ABL1: variants seen among roughly 807,000 people sequenced by gnomAD.
The protein encoded by ABL1 is ABL proto-oncogene 1, non-receptor tyrosine kinase.
A neutral mutation model predicts 94.7 loss-of-function variants in ABL1; 11 were observed. The observed-to-expected ratio is 0.12, with a 90% CI of 0.07 to 0.19. The LOEUF (loss-of-function observed/expected upper bound fraction) is 0.19, where lower values mean the gene tolerates loss of function less well. Ranked by LOEUF, ABL1 falls within the 10% of genes least tolerant of loss-of-function variation. The probability of loss-of-function intolerance (pLI) is 1.00; values close to 1 mark genes in which losing one functional copy is unlikely to be tolerated. For synonymous variants in ABL1, 656 were observed against 622.4 expected (o/e 1.05, Z -0.80); for missense variants, 1,082 against 1,489.4 (o/e 0.73, Z 4.50).
chr9:130,785,204 G>A (rs1188456613), intron 1 of ABL1, among the ~76,000 whole-genome samples: 2 of 152,198 alleles, frequency 1.3e-5, no homozygotes, highest in African/African-American at 2.4e-5. Flanking sequence ...TCCTTTCCCA[G>A]TGTGCTGATT....
intron 1 of ABL1, among the ~76,000 whole-genome samples, chr9:130,764,812 T>C (rs1209420175): frequency 6.6e-6 from 1 of 152,036 alleles, no homozygotes; most frequent in Non-Finnish European, 1.5e-5. Context: ...AAAAATTAGC[T>C]GGGCGTGGTG....
At chr9:130,828,279 G>A (rs1219668291) in intron 1 of ABL1, among the ~76,000 whole-genome samples, 1 of 147,740 alleles carries the variant, frequency 6.8e-6, no homozygotes, top group Non-Finnish European at 1.5e-5. Context: ...TGCCCAGGCT[G>A]GTCTTGAACT....
At position 130,859,677 on chromosome 9, in the gene ABL1, C is replaced by CTTTTTTTTTTTTTTTT. The variant is rs869234280; in HGVS notation, c.550-3072_550-3057dup. 2.9e-4 allele frequency among the ~76,000 whole-genome samples: 23 copies of CTTTTTTTTTTTTTTTT among 78,458 alleles called. 2 individuals are homozygous for CTTTTTTTTTTTTTTTT. The highest frequency in any genetic ancestry group is 4.5e-4 in the Admixed American group (3 of 6,652). The allele number at this position is 78,458 out of a possible 152,430, so 51.5% of individuals were successfully genotyped here. A position where few individuals can be genotyped will look rare whatever the true frequency, so the allele number is the denominator to read the frequency against. On this transcript the variant is annotated intron_variant, in intron 3 of 10. Coordinates refer to ENST00000318560, the MANE Select transcript of ABL1 (RefSeq NM_005157.6). ...AAACGCTGTTTCTTTTCTTTCTTTC[C>CTTTTTTTTTTTTTTTT]TTTTTTTTTTTTTTTTTTTTTTTTT...
At chr9:130,846,091 GTGTGTGTGTGTGTGTGTGCT>G (rs1331265537) in intron 1 of ABL1, among the ~76,000 whole-genome samples, 4 of 150,890 alleles carry the variant, frequency 2.7e-5, no homozygotes, top group African/African-American at 9.8e-5. Flanking sequence ...CTGTGTGTGT[GTGTGTGTGTGTGTGTGTGCT>G]TGTGTGTGTG....
chr9:130,789,036 C>T (rs528116550), intron 1 of ABL1, among the ~76,000 whole-genome samples: 1 of 152,204 alleles, frequency 6.6e-6, no homozygotes, highest in East Asian at 1.9e-4. Context: ...AAACCTCTTG[C>T]ATCTAAAAAG....
At chr9:130,723,980 T>G (rs1831547133) in intron 1 of ABL1, among the ~76,000 whole-genome samples, 1 of 151,890 alleles carries the variant, frequency 6.6e-6, no homozygotes. Context: ...CCTGGCCAAT[T>G]TTTGTATTTT....
intron 10 of ABL1, among the ~76,000 whole-genome samples, chr9:130,881,925 T>C (rs1831463042): frequency 6.6e-6 from 1 of 151,742 alleles, no homozygotes; most frequent in Non-Finnish European, 1.5e-5. Flanking sequence ...ATATATGGTA[T>C]ATAAAGTACG....
chr9:130,833,599 T>C (rs1830520168), upstream of ABL1, among the ~76,000 whole-genome samples: 1 of 152,222 alleles, frequency 6.6e-6, no homozygotes. Flanking sequence ...CCCTCTTGGA[T>C]GCTCATGAGG....
chr9:130,757,144 T>C (rs1832050562), intron 1 of ABL1, among the ~76,000 whole-genome samples: 1 of 152,128 alleles, frequency 6.6e-6, no homozygotes, highest in Admixed American at 6.5e-5. Flanking sequence ...CAGAACTTGG[T>C]GAGAATGAGG....
At chr9:130,759,599 A>G (rs984839810) in intron 1 of ABL1, among the ~76,000 whole-genome samples, 2 of 152,226 alleles carry the variant, frequency 1.3e-5, no homozygotes, top group Admixed American at 6.5e-5. Flanking sequence ...ACATAACCAC[A>G]TTTATTTAAG....
chr9:130,745,475 G>GA (rs964440384), intron 1 of ABL1, among the ~76,000 whole-genome samples: 3,064 of 144,892 alleles, frequency 0.021, 126 homozygotes, highest in African/African-American at 0.073. Flanking sequence ...TCTGTAGAAG[G>GA]AAAAAAAAAA....
At chr9:130,823,461 C>G (rs1012269352) in intron 1 of ABL1, among the ~76,000 whole-genome samples, 1 of 152,146 alleles carries the variant, frequency 6.6e-6, no homozygotes, top group South Asian at 2.1e-4. Flanking sequence ...AGGAGCAATT[C>G]AAACAAGCGA....
chr9:130,822,946 C>T (rs1830383584), intron 1 of ABL1, among the ~76,000 whole-genome samples: 1 of 152,016 alleles, frequency 6.6e-6, no homozygotes, highest in South Asian at 2.1e-4. Flanking sequence ...TACAGGCTTG[C>T]ACCACCACAC....
Position 130,835,591 on chromosome 9 carries a change from C to CT in ABL1, c.79+67dup, listed in dbSNP as rs1830561376. The CT allele has an allele frequency of 1.4e-6, 2 of 1,411,964 alleles. No individual in the cohort carries two copies. Among genetic ancestry groups the CT allele is most frequent in the Admixed American group, 4.0e-5 (2 of 49,398 alleles). The allele number at this position is 1,411,964 out of a possible 1,614,324, so 87.5% of individuals were successfully genotyped here. On this transcript the variant is annotated intron_variant, in intron 1 of 10. Coordinates refer to ENST00000318560, the MANE Select transcript of ABL1 (RefSeq NM_005157.6). This position sits in a 1 kb window ranked among gnomAD's most constrained non-coding sequence, Gnocchi z 4.6. ...CCCTCCCGCTGCTGCTGGGCCCTTC[C>CT]TAGGCCTCGCCGCCCGCGCGCTCCC...
At chr9:130,811,846 A>G (rs1830210656) in intron 1 of ABL1, among the ~76,000 whole-genome samples, 1 of 134,814 alleles carries the variant, frequency 7.4e-6, no homozygotes, top group African/African-American at 2.7e-5. Context: ...CAGGAGGCAG[A>G]GGTTGCAGTG....
chr9:130,807,701 T>TTG (rs1830146964), intron 1 of ABL1, among the ~76,000 whole-genome samples: 1 of 128,488 alleles, frequency 7.8e-6, no homozygotes, highest in African/African-American at 2.9e-5. Flanking sequence ...TATAGTTTTT[T>TTG]TTTTTTTTTT....
chr9:130,728,248 T>TTTTTTTTTTTTTTTG (rs1554757228), intron 1 of ABL1, among the ~76,000 whole-genome samples: 7 of 148,624 alleles, frequency 4.7e-5, no homozygotes, highest in African/African-American at 1.8e-4. Context: ...TTTTTTTTTT[T>TTTTTTTTTTTTTTTG]GTGGAGACGG....
intron 1 of ABL1, among the ~76,000 whole-genome samples, chr9:130,729,740 C>T (rs1268305991): frequency 6.9e-6 from 1 of 145,866 alleles, no homozygotes; most frequent in Non-Finnish European, 1.5e-5. Flanking sequence ...TCTGCATATT[C>T]TTTTTTTTTT....
chr9:130,886,381 G>A lies in ABL1; in HGVS notation c.*698G>A. ...CAGGTGGGAGCTGAAAAGGATCGAG[G>A]CATGGGGCATGTCCTTTCCATCTGT... is the stretch of plus-strand genomic sequence containing the variant. On this transcript the variant is annotated 3_prime_UTR_variant, in exon 11 of 11. Transcript: ENST00000318560. 4.3e-6 allele frequency: 1 copy of A among 234,032 alleles called. No individual in the cohort carries two copies. The highest frequency in any genetic ancestry group is 8.5e-6 in the Non-Finnish European group (1 of 118,338). 14.5% of individuals were successfully genotyped at this position (234,032 alleles called of 1,614,324 possible).
Sources: allele counts gnomAD v4.1 joint callset (sites outside exome capture counted in the v4.1 genomes callset), GRCh38; gene constraint gnomAD v4.1.1; non-coding constraint Gnocchi (gnomAD v3.1); transcripts MANE v1.5; gene names NCBI Gene and HGNC (gene_info 2026-07-23, HGNC 2026-07-21).